The following EHHADH variants were observed in gnomAD, a reference collection of about 807,000 sequenced individuals.
EHHADH encodes the protein peroxisomal bifunctional enzyme.
Under a neutral mutation model 64.4 loss-of-function variants are expected in EHHADH, and 48 were observed. That is an observed-to-expected ratio of 0.75 (90% CI 0.59 to 0.95). The LOEUF is 0.95. EHHADH is among the 40% of genes least tolerant of loss of function. EHHADH has a pLI of 0.00. For missense variants in EHHADH, 854 were observed against 876.6 expected, an observed-to-expected ratio of 0.97 and a Z score of 0.33; for synonymous variants, 308 against 326.7, an observed-to-expected ratio of 0.94 and a Z score of 0.62.
intron 6 of EHHADH, among the ~76,000 whole-genome samples, chr3:185,197,612 CAT>C (rs1718100460): frequency 6.6e-6 from 1 of 152,178 alleles, no homozygotes. Flanking sequence ...CATGTTGTAA[CAT>C]GTGTCAGAAT....
At chr3:185,213,096 G>C (rs143477863) in intron 5 of EHHADH, among the ~76,000 whole-genome samples, 1,725 of 92,662 alleles carry the variant, frequency 0.019, 54 homozygotes, top group African/African-American at 0.068. Flanking sequence ...CTCCAGCCTG[G>C]GTGAAGAAGC....
Position 185,193,212 on chromosome 3 carries a change from G to A in EHHADH, c.1186C>T (p.Leu396Phe), listed in dbSNP as rs1361786273. 2 of 1,610,482 alleles carry A rather than the reference G, an allele frequency of 1.2e-6. No individual in the cohort carries two copies. Among genetic ancestry groups the A allele is most frequent in the African/African-American group, 2.7e-5 (2 of 74,724 alleles). ...MSLKKQVFAE[L>F]SAVCKPEAFL... The stretch of plus-strand genomic sequence containing the variant: ...GCTTCTGGTTTGCACACAGCTGAGA[G>A]TTCAGCAAAGACCTGCTTCTTCAGG... The change falls in exon 7 of 7, where the codon CTC (leucine) becomes TTC (phenylalanine). Residue 396 changes from leucine (L) to phenylalanine (F), a missense_variant. Coordinates refer to ENST00000231887, the MANE Select transcript of EHHADH (RefSeq NM_001966.4).
intron 1 of EHHADH, among the ~76,000 whole-genome samples, chr3:185,253,479 T>G: frequency 1.4e-5 from 2 of 145,238 alleles, no homozygotes. Flanking sequence ...AAATGACGAG[T>G]TAATGGGTGC....
chr3:185,196,042 T>G (rs1325396195), intron 6 of EHHADH, among the ~76,000 whole-genome samples: 1 of 152,186 alleles, frequency 6.6e-6, no homozygotes, highest in Non-Finnish European at 1.5e-5. Flanking sequence ...TTAAGAGAAA[T>G]AGATCAGTGG....
At chr3:185,198,095 C>T (rs1482903461) in intron 6 of EHHADH, among the ~76,000 whole-genome samples, 2 of 152,058 alleles carry the variant, frequency 1.3e-5, no homozygotes, top group East Asian at 1.9e-4. Context: ...CTGTGCCTGG[C>T]CCCTGCTTTC....
In EHHADH at chr3:185,206,828, C is replaced by CA. The variant is rs909186567; in HGVS notation, c.569-2072dup. Among the ~76,000 whole-genome samples the CA allele has an allele frequency of 2.0e-4, 26 of 132,994 alleles. No individual in the cohort carries two copies. The East Asian group carries it at 4.1e-3, about 21-fold the overall frequency. The allele number at this position is 132,994 out of a possible 152,430, so 87.2% of individuals were successfully genotyped here. A position where few individuals can be genotyped will look rare whatever the true frequency, so the allele number is the denominator to read the frequency against. On this transcript the variant is annotated intron_variant, in intron 5 of 6. Coordinates refer to ENST00000231887, the MANE Select transcript of EHHADH (RefSeq NM_001966.4). ...GGGTGACAGAGCGAGACTCTGTCTC[C>CA]AAAAAAAACAGAAAAAAAAAAATGA...
At chr3:185,215,431 T>C (rs935993199) in intron 5 of EHHADH, among the ~76,000 whole-genome samples, 5 of 152,120 alleles carry the variant, frequency 3.3e-5, no homozygotes, top group African/African-American at 1.2e-4. Flanking sequence ...CATGATTTCA[T>C]CCATATGAGA....
chr3:185,249,304 A>G (rs534243670), intron 1 of EHHADH, among the ~76,000 whole-genome samples: 16 of 152,088 alleles, frequency 1.1e-4, no homozygotes, highest in African/African-American at 3.6e-4. Flanking sequence ...AATTTTTTGT[A>G]TTTTTAGTAG....
At chr3:185,228,257 AATATAT>A (rs1235531098) in intron 4 of EHHADH, among the ~76,000 whole-genome samples, 12 of 21,994 alleles carry the variant, frequency 5.5e-4, no homozygotes, top group African/African-American at 1.2e-3. Flanking sequence ...AAAAAAAAAA[AATATAT>A]ATATATATAT....
At chr3:185,217,765 C>CTT (rs967977785) in intron 5 of EHHADH, among the ~76,000 whole-genome samples, 1 of 8,254 alleles carries the variant, frequency 1.2e-4, no homozygotes, top group African/African-American at 2.6e-4. Context: ...TCAGGATTTT[C>CTT]TTTTTTTTTT....
In EHHADH at chr3:185,193,234, C is replaced by T; in HGVS notation, c.1164G>A (p.Leu388=). The part of the protein sequence containing the change: ...VIEAVFEEMS[L]KKQVFAELSA... ...AGAGTTCAGCAAAGACCTGCTTCTT[C>T]AGGCTCATTTCCTCAAATACTGCTT... Residue 388 remains leucine, a synonymous_variant, in exon 7 of 7, where the codon CTG becomes CTA. Coordinates refer to ENST00000231887, the MANE Select transcript of EHHADH (RefSeq NM_001966.4). 6.2e-7 allele frequency: 1 copy of T among 1,604,560 alleles called. No homozygotes were observed. Among genetic ancestry groups the T allele is most frequent in the Non-Finnish European group, 8.5e-7 (1 of 1,176,518 alleles).
At chr3:185,204,830 A>G in intron 5 of EHHADH, 73 bp from the exon 6 acceptor site, 1 of 1,255,444 alleles carries the variant, frequency 8.0e-7, no homozygotes, top group South Asian at 1.5e-5. Flanking sequence ...TATAGTAATA[A>G]CAATAACCTG....
At chr3:185,241,565 T>A (rs562103856) in intron 2 of EHHADH, among the ~76,000 whole-genome samples, 1 of 152,372 alleles carries the variant, frequency 6.6e-6, no homozygotes, top group Admixed American at 6.5e-5. Flanking sequence ...ATGTTGAGCA[T>A]TTTTTCATAT....
At chr3:185,238,495 C>T (rs530730430) in intron 2 of EHHADH, among the ~76,000 whole-genome samples, 1 of 152,202 alleles carries the variant, frequency 6.6e-6, no homozygotes, top group East Asian at 1.9e-4. Flanking sequence ...TTACATTTCT[C>T]TGATGATTAG....
chr3:185,218,542 G>T (rs1345869090), intron 4 of EHHADH, among the ~76,000 whole-genome samples: 1 of 152,080 alleles, frequency 6.6e-6, no homozygotes, highest in Non-Finnish European at 1.5e-5. Flanking sequence ...GTAATTCTGA[G>T]TATTAAGTGA....
rs780404085 is a variant in EHHADH, at chr3:185,249,663, G to GT, written c.75-1147dup. ...TTCTCCTTTGCCTTCCACCATGATT[G>GT]TAAGTTTCCCCAGGCTTCCCCAGCC... On this transcript the variant is annotated intron_variant, in intron 1 of 6. Transcript: ENST00000231887. Among the ~76,000 whole-genome samples the GT allele has an allele frequency of 7.9e-5, 12 of 152,278 alleles. No individual in the cohort carries two copies. In the South Asian group the frequency reaches 2.5e-3, roughly 32 times the overall value.
rs768559002 is a variant in EHHADH at position 185,229,532 on chromosome 3, G to A, written c.363C>T (p.Gly121=). 33 of 1,564,578 alleles carry A rather than the reference G, an allele frequency of 2.1e-5. No homozygotes were observed. Among genetic ancestry groups the A allele is most frequent in the South Asian group, 3.7e-5 (3 of 80,016 alleles). ...GAAGTCCCAGTGTAACTTCTGGTAA[G>A]CCAACTTGAGCCTATCAAAGATTGA... ...YRIAHAEAQV[G]LPEVTLGLLP... is the part of the protein sequence containing the mutation. Residue 121 remains glycine, a synonymous_variant, in exon 4 of 7, where the codon GGC becomes GGT. Transcript: ENST00000231887.
At chr3:185,252,377 C>A (rs1169586349) in intron 1 of EHHADH, among the ~76,000 whole-genome samples, 2 of 148,356 alleles carry the variant, frequency 1.3e-5, no homozygotes, top group Non-Finnish European at 3.0e-5. Flanking sequence ...TCCAGCCTGG[C>A]GACAGAGCAA....
chr3:185,224,712 T>G (rs1718927719), intron 4 of EHHADH, among the ~76,000 whole-genome samples: 1 of 152,156 alleles, frequency 6.6e-6, no homozygotes. Context: ...GTGTTCCTTC[T>G]GGATGCTGTA....
Sources: allele counts gnomAD v4.1 joint callset (sites outside exome capture counted in the v4.1 genomes callset), GRCh38; gene constraint gnomAD v4.1.1; transcripts MANE v1.5; gene names NCBI Gene and HGNC (gene_info 2026-07-23, HGNC 2026-07-21).